Variants in TSHZ1 observed in about 807,000 individuals in gnomAD.
The protein encoded by TSHZ1 is teashirt zinc finger homeobox 1, also known as teashirt homolog 1.
In TSHZ1, 12 loss-of-function variants were observed where a neutral mutation model predicts 67.1. The ratio of observed to expected loss-of-function variants is 0.18; its 90% confidence interval spans 0.11 to 0.29. TSHZ1 has a LOEUF of 0.29. Ranked by LOEUF, TSHZ1 falls within the 10% of genes least tolerant of loss-of-function variation. TSHZ1 has a pLI of 1.00. For missense variants in TSHZ1, 1,305 were observed against 1,413.9 expected (o/e 0.92, Z 1.23); for synonymous variants, 632 against 622.4 (o/e 1.02, Z -0.23).
At chr18:75,221,754 C>T (rs932205315) in intron 1 of TSHZ1, among the ~76,000 whole-genome samples, 9 of 152,144 alleles carry the variant, frequency 5.9e-5, no homozygotes, top group African/African-American at 1.9e-4. Flanking sequence ...AACAGTAAAA[C>T]ATGTCTGTTT....
At chr18:75,230,530 G>A (rs1190772946) in intron 1 of TSHZ1, among the ~76,000 whole-genome samples, 1 of 152,090 alleles carries the variant, frequency 6.6e-6, no homozygotes, top group Non-Finnish European at 1.5e-5. Context: ...TTTTTTTCTT[G>A]GAGAGTTTGA....
Position 75,288,758 on chromosome 18 carries a change from C to G in TSHZ1, c.*117C>G, listed in dbSNP as rs1362614830. Reference sequence around the variant, plus strand: ...TTGTTGCTGGCCCGCCTCTCTGGACCTTGGTTTTCTTACACATATTTTGTA... The same window carrying G: ...TTGTTGCTGGCCCGCCTCTCTGGACGTTGGTTTTCTTACACATATTTTGTA... On this transcript the variant is annotated 3_prime_UTR_variant, in exon 2 of 2. Coordinates refer to ENST00000580243, the MANE Select transcript of TSHZ1 (RefSeq NM_001308210.2). This position sits in a 1 kb window ranked among gnomAD's most constrained non-coding sequence, Gnocchi z 4.9. The G allele has an allele frequency of 9.6e-6, 14 of 1,462,576 alleles. No individual in the cohort carries two copies. Among genetic ancestry groups the G allele is most frequent in the Non-Finnish European group, 1.3e-5 (14 of 1,104,410 alleles). 90.6% of individuals were successfully genotyped at this position (1,462,576 alleles called of 1,614,324 possible).
intron 1 of TSHZ1, among the ~76,000 whole-genome samples, chr18:75,217,437 A>G (rs972178060): frequency 6.6e-6 from 1 of 151,674 alleles, no homozygotes; most frequent in African/African-American, 2.4e-5. Context: ...AGCACTTGTC[A>G]TAGTAGTGTT....
intron 1 of TSHZ1, among the ~76,000 whole-genome samples, chr18:75,264,488 T>C (rs1286453212): frequency 7.7e-5 from 2 of 26,138 alleles, no homozygotes; most frequent in Non-Finnish European, 1.9e-4. Context: ...TGACAGATTT[T>C]TTTTTTTTTT....
chr18:75,250,301 TCCACGCCCACACCCTCGCC>T (rs376783438), intron 1 of TSHZ1, among the ~76,000 whole-genome samples: 2 of 152,108 alleles, frequency 1.3e-5, no homozygotes, highest in African/African-American at 4.8e-5. Flanking sequence ...GCCTCCACGC[TCCACGCCCACACCCTCGCC>T]CCACTTGCCC....
intron 1 of TSHZ1, among the ~76,000 whole-genome samples, chr18:75,251,484 T>C (rs990665729): frequency 5.3e-5 from 7 of 131,146 alleles, no homozygotes; most frequent in African/African-American, 2.0e-4. Flanking sequence ...TCATTATTCT[T>C]TCTTTAGGGT....
intron 1 of TSHZ1, among the ~76,000 whole-genome samples, chr18:75,245,860 C>G (rs2023214809): frequency 6.6e-6 from 1 of 152,162 alleles, no homozygotes; most frequent in South Asian, 2.1e-4. Flanking sequence ...TGGATGCCCA[C>G]TCTATGTACC....
chr18:75,255,771 G>A (rs574255246), intron 1 of TSHZ1, among the ~76,000 whole-genome samples: 27 of 152,306 alleles, frequency 1.8e-4, no homozygotes, highest in Middle Eastern at 3.4e-3. Context: ...TGATGCTGCA[G>A]TTACAAAAAC....
At chr18:75,222,480 C>G (rs1330429931) in intron 1 of TSHZ1, among the ~76,000 whole-genome samples, 1 of 151,608 alleles carries the variant, frequency 6.6e-6, no homozygotes, top group Middle Eastern at 3.4e-3. Context: ...TTTTTTTTCT[C>G]AACTCCTCCT....
chr18:75,212,019 A>G, intron 1 of TSHZ1, 103 bp downstream of exon 1: 3 of 930,996 alleles, frequency 3.2e-6, no homozygotes, highest in Non-Finnish European at 4.1e-6. Flanking sequence ...GGGCCGCCCC[A>G]AGCTGGGGAG....
intron 1 of TSHZ1, among the ~76,000 whole-genome samples, chr18:75,271,527 G>A (rs2023556820): frequency 6.6e-6 from 1 of 152,152 alleles, no homozygotes; most frequent in Non-Finnish European, 1.5e-5. Context: ...CATCCCTGGT[G>A]TGCTCAATAA....
chr18:75,226,109 A>G (rs755076138), intron 1 of TSHZ1, among the ~76,000 whole-genome samples: 6 of 152,260 alleles, frequency 3.9e-5, no homozygotes, highest in Non-Finnish European at 7.3e-5. Context: ...TCTTACAAAT[A>G]TAAACATTAT....
In TSHZ1 at chr18:75,288,898, TAG is replaced by T. The variant is rs2023824381; in HGVS notation, c.*258_*259del. ...GTGTTAAGCTATCTTTTGTAGGAAA[TAG>T]TGGGGCACACTACTCAGAGACATTA... On this transcript the variant is annotated 3_prime_UTR_variant, in exon 2 of 2. Transcript: ENST00000580243. The surrounding 1 kb of genome is among the most constrained non-coding windows in gnomAD (Gnocchi z 4.9). The T allele has an allele frequency of 2.5e-6, 1 of 397,488 alleles. No homozygotes were observed. Among genetic ancestry groups the T allele is most frequent in the Non-Finnish European group, 4.5e-6 (1 of 223,520 alleles). 24.6% of individuals were successfully genotyped at this position (397,488 alleles called of 1,614,324 possible). A position where few individuals can be genotyped will look rare whatever the true frequency, so the allele number is the denominator to read the frequency against.
intron 1 of TSHZ1, among the ~76,000 whole-genome samples, chr18:75,241,948 TATG>T (rs1207204608): frequency 6.8e-6 from 1 of 147,144 alleles, no homozygotes; most frequent in Non-Finnish European, 1.5e-5. Flanking sequence ...CCTGATCTAG[TATG>T]ACCTCACCCC....
At chr18:75,237,793 TTTATTTA>T (rs1568356594) in intron 1 of TSHZ1, among the ~76,000 whole-genome samples, 6 of 145,026 alleles carry the variant, frequency 4.1e-5, no homozygotes, top group Non-Finnish European at 7.4e-5. Context: ...CTTTCTTTCA[TTTATTTA>T]TTTATTTATT....
chr18:75,264,314 C>T (rs1051824446), intron 1 of TSHZ1, among the ~76,000 whole-genome samples: 3 of 152,098 alleles, frequency 2.0e-5, no homozygotes, highest in African/African-American at 4.8e-5. Context: ...TTACCCTTAA[C>T]GGGAATAGTA....
At chr18:75,236,122 CGTGT>C (rs982925573) in intron 1 of TSHZ1, among the ~76,000 whole-genome samples, 9 of 152,178 alleles carry the variant, frequency 5.9e-5, no homozygotes, top group Admixed American at 2.0e-4. Context: ...AGGAAGTGTG[CGTGT>C]GTAACATTTG....
At chr18:75,269,683 G>A (rs774749599) in intron 1 of TSHZ1, among the ~76,000 whole-genome samples, 15 of 152,112 alleles carry the variant, frequency 9.9e-5, no homozygotes, top group African/African-American at 1.7e-4. Context: ...CTTATTAAGC[G>A]TACAGTTCAG....
At chr18:75,227,552 G>A (rs536401990) in intron 1 of TSHZ1, among the ~76,000 whole-genome samples, 1 of 152,264 alleles carries the variant, frequency 6.6e-6, no homozygotes, top group African/African-American at 2.4e-5. Flanking sequence ...AAATATAAAA[G>A]CATTTGGCTA....
Sources: gnomAD v4.1 joint callset for allele counts (sites outside exome capture counted in the v4.1 genomes callset) on GRCh38, gnomAD v4.1.1 for gene constraint, Gnocchi (gnomAD v3.1) non-coding constraint, MANE v1.5 for transcripts, NCBI Gene and HGNC (gene_info 2026-07-23, HGNC 2026-07-21) for gene names.